The following ERG variants were observed in gnomAD, a reference collection of about 807,000 sequenced individuals.
ERG encodes ETS transcription factor ERG.
A neutral mutation model predicts 55.3 loss-of-function variants in ERG; 9 were observed. That is an observed-to-expected ratio of 0.16 (90% CI 0.10 to 0.28). ERG has a LOEUF of 0.28. Ranked by LOEUF, ERG falls within the 10% of genes least tolerant of loss-of-function variation. The probability of loss-of-function intolerance (pLI) is 1.00; values close to 1 mark genes in which losing one functional copy is unlikely to be tolerated. For synonymous variants in ERG, 223 were observed against 237.3 expected (o/e 0.94, Z 0.55); for missense variants, 434 against 631.6 (o/e 0.69, Z 3.35).
intron 1 of ERG, among the ~76,000 whole-genome samples, chr21:38,611,288 C>T (rs2060225572): frequency 6.6e-6 from 1 of 152,212 alleles, no homozygotes; most frequent in African/African-American, 2.4e-5. Flanking sequence ...AGGCAACCAG[C>T]AAGATCTCCC....
intron 1 of ERG, among the ~76,000 whole-genome samples, chr21:38,636,592 C>T (rs1415021718): frequency 1.3e-5 from 2 of 152,188 alleles, no homozygotes; most frequent in Non-Finnish European, 2.9e-5. Context: ...AAAGCTGGAA[C>T]TATAAAAGCC....
In ERG at chr21:38,403,727, ACATT is replaced by A; in HGVS notation, c.389-22_389-19del. The A allele has an allele frequency of 6.2e-7, 1 of 1,611,070 alleles. No homozygotes were observed. The highest frequency in any genetic ancestry group is 1.1e-5 in the South Asian group (1 of 91,000). ...CGTAGGATCTGAAAGGGGTGGGAACACATTCAGTCAATTCCTGAAGCCAGGGATC... is the reference window on the plus strand; with the variant it reads ...CGTAGGATCTGAAAGGGGTGGGAACACAGTCAATTCCTGAAGCCAGGGATC... On this transcript the variant is annotated intron_variant, in intron 3 of 9. Transcript: ENST00000288319.
At chr21:38,627,068 A>G (rs1478345324) in intron 1 of ERG, among the ~76,000 whole-genome samples, 9 of 152,182 alleles carry the variant, frequency 5.9e-5, no homozygotes, top group Admixed American at 5.9e-4. Context: ...CTTGAGTAGC[A>G]TTTACATAAA....
chr21:38,404,846 G>C (rs1008771347), intron 3 of ERG, among the ~76,000 whole-genome samples: 5 of 152,110 alleles, frequency 3.3e-5, no homozygotes, highest in Non-Finnish European at 7.4e-5. Context: ...TGTTTGTTTG[G>C]TCCCACTAAT....
chr21:38,368,240 TTTTG>T, the ERG span, among the ~76,000 whole-genome samples: 522 of 152,276 alleles, frequency 3.4e-3, 4 homozygotes, highest in African/African-American at 0.012. Context: ...TTCCTCGTTT[TTTTG>T]TTTGTTTGTT....
chr21:38,395,853 T>A (rs962746724), intron 6 of ERG, among the ~76,000 whole-genome samples: 2 of 152,178 alleles, frequency 1.3e-5, no homozygotes, highest in African/African-American at 4.8e-5. Flanking sequence ...AGGGCTAAGT[T>A]CAGCCAAGTT....
At chr21:38,578,024 TC>T (rs1219556879) in intron 1 of ERG, among the ~76,000 whole-genome samples, 2 of 152,122 alleles carry the variant, frequency 1.3e-5, no homozygotes, top group Non-Finnish European at 2.9e-5. Flanking sequence ...TGAAACCAAG[TC>T]CCCATACCCT....
chr21:38,499,862 AAGGGAGGG>A (rs1346436756), upstream of ERG, among the ~76,000 whole-genome samples: 1 of 139,818 alleles, frequency 7.2e-6, no homozygotes, highest in Admixed American at 7.1e-5. Flanking sequence ...AGGAAGGAGA[AAGGGAGGG>A]AGGGAGGGAA....
intron 2 of ERG, among the ~76,000 whole-genome samples, chr21:38,570,415 G>A (rs865882033): frequency 6.4e-4 from 97 of 152,250 alleles, no homozygotes; most frequent in African/African-American, 1.8e-3. Flanking sequence ...TACAAAGCGC[G>A]TTCTGTTTTC....
At chr21:38,577,164 C>T (rs527744843) in intron 1 of ERG, among the ~76,000 whole-genome samples, 19 of 152,116 alleles carry the variant, frequency 1.2e-4, no homozygotes, top group South Asian at 2.1e-4. Flanking sequence ...TGCTACTGAG[C>T]GCATTACTGT....
At chr21:38,586,206 T>C (rs1316056992), upstream of ERG, among the ~76,000 whole-genome samples, 10 of 43,680 alleles carry the variant, frequency 2.3e-4, no homozygotes, top group African/African-American at 9.9e-4. Context: ...TATATATATA[T>C]ATATATATAT....
chr21:38,423,340 T>A (rs1007120204), intron 3 of ERG, 70 bp downstream of exon 3: 32 of 1,501,892 alleles, frequency 2.1e-5, no homozygotes, highest in Non-Finnish European at 2.6e-5. Flanking sequence ...GGAGAAGAGC[T>A]CCCTGAGGCT....
intron 2 of ERG, among the ~76,000 whole-genome samples, chr21:38,510,406 G>A (rs534900676): frequency 1.3e-5 from 2 of 152,298 alleles, no homozygotes; most frequent in African/African-American, 2.4e-5. Context: ...ACACTGGGGA[G>A]CTCTTTTTAT....
intron 2 of ERG, among the ~76,000 whole-genome samples, chr21:38,564,777 C>T (rs1334075385): frequency 6.6e-6 from 1 of 151,994 alleles, no homozygotes; most frequent in Non-Finnish European, 1.5e-5. Context: ...TCTGTAGTTC[C>T]CCCTCCTCTT....
intron 1 of ERG, among the ~76,000 whole-genome samples, chr21:38,457,370 A>C (rs904629089): frequency 6.6e-6 from 1 of 151,604 alleles, no homozygotes; most frequent in African/African-American, 2.4e-5. Flanking sequence ...TGGGGGACAG[A>C]GGTTGCAGTG....
chr21:38,546,618 C>T (rs1214300344), intron 2 of ERG, among the ~76,000 whole-genome samples: 1 of 152,190 alleles, frequency 6.6e-6, no homozygotes, highest in East Asian at 1.9e-4. Context: ...GGCATTCCTC[C>T]TCCAAATCAC....
intron 1 of ERG, among the ~76,000 whole-genome samples, chr21:38,655,875 C>T (rs780203228): frequency 6.6e-6 from 1 of 152,172 alleles, no homozygotes; most frequent in Non-Finnish European, 1.5e-5. Context: ...AGCTCTGCCC[C>T]CTCAAATTAT....
intron 2 of ERG, among the ~76,000 whole-genome samples, chr21:38,537,433 GAA>G (rs111811547): frequency 0.47 from 55,319 of 117,300 alleles, 11,515 homozygotes; most frequent in Non-Finnish European, 0.55. Flanking sequence ...TTAATATCCA[GAA>G]AAAAAAATAT....
intron 2 of ERG, among the ~76,000 whole-genome samples, chr21:38,508,869 G>A (rs1475436471): frequency 6.6e-6 from 1 of 152,176 alleles, no homozygotes. Context: ...AGGCTACCTT[G>A]GAAAGGTGAT....
Sources: allele counts gnomAD v4.1 joint callset (sites outside exome capture counted in the v4.1 genomes callset), GRCh38; gene constraint gnomAD v4.1.1; transcripts MANE v1.5; gene names NCBI Gene and HGNC (gene_info 2026-07-23, HGNC 2026-07-21).